The following ACTR3 variants were observed in gnomAD, a reference collection of about 807,000 sequenced individuals.
ACTR3 encodes the protein actin-related protein 3.
In ACTR3, 12 loss-of-function variants were observed where a neutral mutation model predicts 56.8. The observed-to-expected ratio is 0.21, with a 90% CI of 0.14 to 0.34. The LOEUF is 0.34. ACTR3 is among the 10% of genes least tolerant of loss of function. The pLI is 1.00. For missense variants in ACTR3, 282 were observed against 512.5 expected (o/e 0.55, Z 4.34); for synonymous variants, 162 against 167.4 (o/e 0.97, Z 0.25).
chr2:113,915,771 T>C (rs898897577), intron 2 of ACTR3, among the ~76,000 whole-genome samples: 2 of 152,218 alleles, frequency 1.3e-5, no homozygotes, highest in Non-Finnish European at 2.9e-5. Context: ...ATGAAGTCTT[T>C]GCCATGACTA....
At chr2:113,920,292 A>G (rs1483953974) in intron 3 of ACTR3, among the ~76,000 whole-genome samples, 1 of 152,122 alleles carries the variant, frequency 6.6e-6, no homozygotes, top group Admixed American at 6.6e-5. Flanking sequence ...TCCTGGGCTC[A>G]AGTGACCCTC....
chr2:113,936,537 ACTT>A (rs1327655303), intron 6 of ACTR3, among the ~76,000 whole-genome samples: 1 of 152,172 alleles, frequency 6.6e-6, no homozygotes, highest in Non-Finnish European at 1.5e-5. Flanking sequence ...ACATTCTACT[ACTT>A]CATAAATAAT....
intron 2 of ACTR3, among the ~76,000 whole-genome samples, chr2:113,914,214 A>G (rs936808728): frequency 6.6e-6 from 1 of 151,546 alleles, no homozygotes; most frequent in Non-Finnish European, 1.5e-5. Flanking sequence ...AGGCTTTGCC[A>G]AAAACTGGAT....
chr2:113,921,462 A>T (rs751704039), intron 3 of ACTR3, among the ~76,000 whole-genome samples: 3 of 151,976 alleles, frequency 2.0e-5, no homozygotes, highest in Non-Finnish European at 4.4e-5. Flanking sequence ...TCACAGAAGC[A>T]TTTTAATTTA....
intron 6 of ACTR3, among the ~76,000 whole-genome samples, chr2:113,939,312 G>A (rs965096296): frequency 3.3e-5 from 5 of 152,086 alleles, no homozygotes; most frequent in Non-Finnish European, 5.9e-5. Context: ...GTGAGCCACC[G>A]CGCCCGGCCG....
At chr2:113,926,893 AC>A (rs1404185514) in intron 3 of ACTR3, among the ~76,000 whole-genome samples, 6 of 148,200 alleles carry the variant, frequency 4.0e-5, no homozygotes, top group Admixed American at 1.4e-4. Flanking sequence ...CTTGATTCTT[AC>A]AATTATTCTA....
chr2:113,958,742 T>C lies in ACTR3; in HGVS notation c.*1287T>C, dbSNP rs1680269024. 4 of 152,130 alleles carry C rather than the reference T, an allele frequency of 2.6e-5. No homozygotes were observed. The South Asian group carries it at 6.2e-4, about 24-fold the overall frequency. 9.4% of individuals were successfully genotyped at this position (152,130 alleles called of 1,614,324 possible). A position where few individuals can be genotyped will look rare whatever the true frequency, so the allele number is the denominator to read the frequency against. The stretch of plus-strand genomic sequence containing the variant: ...TGACCTTAAAATTTTACCAGTTATT[T>C]ATAGAAAGAGAAAATGGGAAATGTT... On this transcript the variant is annotated 3_prime_UTR_variant, in exon 12 of 12. Coordinates refer to ENST00000263238, the MANE Select transcript of ACTR3 (RefSeq NM_005721.5).
At position 113,913,178 on chromosome 2, in the gene ACTR3, A is replaced by C. The variant is rs745632758; in HGVS notation, c.51A>C (p.Thr17=). Residue 17 remains threonine (T), a synonymous_variant, in exon 2 of 12, where the codon ACA becomes ACC. Transcript: ENST00000263238. ...ACVVDCGTGY[T]KLGYAGNTEP... is the part of the protein sequence containing the mutation. Reference sequence around the variant, plus strand: ...AAATTATTTTGTTTTGCAGGTATACAAAACTAGGATATGCTGGAAATACAG... The same window carrying C: ...AAATTATTTTGTTTTGCAGGTATACCAAACTAGGATATGCTGGAAATACAG... The C allele has an allele frequency of 2.5e-6, 4 of 1,583,988 alleles. No homozygotes were observed. Among genetic ancestry groups the C allele is most frequent in the Non-Finnish European group, 3.4e-6 (4 of 1,164,482 alleles).
chr2:113,922,232 A>C (rs1439103344), intron 3 of ACTR3, among the ~76,000 whole-genome samples: 2 of 152,188 alleles, frequency 1.3e-5, no homozygotes, highest in Non-Finnish European at 2.9e-5. Context: ...GTTAAGATGG[A>C]AGACATGTCT....
chr2:113,931,278 T>C, intron 4 of ACTR3, 23 bp from the exon 5 acceptor site: 1 of 1,377,342 alleles, frequency 7.3e-7, no homozygotes, highest in Non-Finnish European at 1.0e-6. Flanking sequence ...ATTATCTATT[T>C]AAAATGTTAT....
chr2:113,896,104 C>T lies in ACTR3; in HGVS notation c.44+5781C>T, dbSNP rs1249392928. Among the ~76,000 whole-genome samples, 4 of 152,220 alleles carry T rather than the reference C, an allele frequency of 2.6e-5. No homozygotes were observed. The East Asian group carries it at 7.7e-4, about 29-fold the overall frequency. On this transcript the variant is annotated intron_variant, in intron 1 of 11. Coordinates refer to ENST00000263238, the MANE Select transcript of ACTR3 (RefSeq NM_005721.5). ...TCAAACTTCTAGCACAAGTAATCCT[C>T]TTGCCCTGACCTCTTAAAGTGTTGA...
intron 10 of ACTR3, chr2:113,952,864 A>G (rs1433239546): frequency 6.6e-6 from 1 of 152,094 alleles, no homozygotes; most frequent in African/African-American, 2.4e-5. Context: ...ACCCCCATTC[A>G]TCCATTCATT....
chr2:113,904,784 T>A (rs950288457), intron 1 of ACTR3: 2 of 152,218 alleles, frequency 1.3e-5, no homozygotes, highest in Non-Finnish European at 2.9e-5. Context: ...CACTTTTAAT[T>A]TGCATTTTAA....
chr2:113,939,006 T>C (rs1221213420), intron 6 of ACTR3, among the ~76,000 whole-genome samples: 1 of 152,028 alleles, frequency 6.6e-6, no homozygotes, highest in African/African-American at 2.4e-5. Context: ...GATTGTCAAA[T>C]GTCTGAAAAC....
intron 8 of ACTR3, among the ~76,000 whole-genome samples, chr2:113,946,613 C>T (rs572367239): frequency 3.9e-5 from 6 of 152,128 alleles, no homozygotes; most frequent in South Asian, 4.2e-4. Flanking sequence ...AGACCTTTGT[C>T]AGATGTGTAA....
At chr2:113,924,645 G>A (rs200056627) in intron 3 of ACTR3, among the ~76,000 whole-genome samples, 46 of 151,972 alleles carry the variant, frequency 3.0e-4, no homozygotes, top group East Asian at 2.1e-3. Flanking sequence ...ATCTCTCTAC[G>A]CACCTTCAAA....
At chr2:113,890,994 C>T (rs1678883150) in intron 1 of ACTR3, among the ~76,000 whole-genome samples, 1 of 152,178 alleles carries the variant, frequency 6.6e-6, no homozygotes, top group African/African-American at 2.4e-5. Context: ...TGTGTTACTT[C>T]TGTAGCCTCA....
intron 8 of ACTR3, among the ~76,000 whole-genome samples, chr2:113,950,059 T>C (rs1389304111): frequency 6.6e-6 from 1 of 152,244 alleles, no homozygotes; most frequent in African/African-American, 2.4e-5. Flanking sequence ...GAGCTAGCTA[T>C]TGCTCCTAGG....
At chr2:113,919,049 TAATCTATGGAC>T (rs1321207167) in intron 3 of ACTR3, among the ~76,000 whole-genome samples, 1 of 152,246 alleles carries the variant, frequency 6.6e-6, no homozygotes, top group African/African-American at 2.4e-5. Context: ...TTGGTGGTTA[TAATCTATGGAC>T]AATCTCATTT....
Sources: allele counts gnomAD v4.1 joint callset (sites outside exome capture counted in the v4.1 genomes callset), GRCh38; gene constraint gnomAD v4.1.1; transcripts MANE v1.5; gene names NCBI Gene and HGNC (gene_info 2026-07-23, HGNC 2026-07-21).